DSCAM: variants seen among roughly 807,000 people sequenced by gnomAD.
DSCAM encodes cell adhesion molecule DSCAM.
DSCAM carries 47 observed loss-of-function variants against 217.7 expected under a neutral mutation model. That is an observed-to-expected ratio of 0.22 (90% CI 0.17 to 0.28). DSCAM has a LOEUF of 0.28. DSCAM is among the 10% of genes least tolerant of loss of function. The pLI is 1.00. For missense variants in DSCAM, 2,080 were observed against 2,618.3 expected (o/e 0.79, Z 4.49); for synonymous variants, 1,056 against 1,015.3 (o/e 1.04, Z -0.76).
intron 4 of DSCAM, among the ~76,000 whole-genome samples, chr21:40,361,766 T>C (rs1476437841): frequency 6.6e-6 from 1 of 152,248 alleles, no homozygotes; most frequent in Non-Finnish European, 1.5e-5. Flanking sequence ...TCAAGTATTA[T>C]ACACTCCCAA....
intron 3 of DSCAM, among the ~76,000 whole-genome samples, chr21:40,417,206 CA>C (rs1282387179): frequency 1.3e-5 from 2 of 151,860 alleles, no homozygotes; most frequent in African/African-American, 4.8e-5. Flanking sequence ...TTTTTATTGC[CA>C]ATATATAATA....
intron 1 of DSCAM, among the ~76,000 whole-genome samples, chr21:40,712,903 C>T (rs570767709): frequency 7.9e-5 from 12 of 152,196 alleles, no homozygotes; most frequent in African/African-American, 2.9e-4. Flanking sequence ...AACTGTGGCC[C>T]CCCTTCCACT....
intron 3 of DSCAM, among the ~76,000 whole-genome samples, chr21:40,542,787 G>A (rs1293498134): frequency 1.3e-5 from 2 of 152,168 alleles, no homozygotes; most frequent in African/African-American, 2.4e-5. Context: ...TTGTCAATAA[G>A]GAAATGAAGG....
At chr21:40,652,353 A>C (rs200564656) in intron 3 of DSCAM, among the ~76,000 whole-genome samples, 30,764 of 87,878 alleles carry the variant, frequency 0.35, 3,475 homozygotes, top group East Asian at 0.41. Flanking sequence ...ACAACAAAAA[A>C]AAAAAAAAAC....
intron 20 of DSCAM, among the ~76,000 whole-genome samples, chr21:40,108,168 C>G (rs1241650522): frequency 1.3e-5 from 2 of 152,146 alleles, no homozygotes; most frequent in African/African-American, 4.8e-5. Context: ...CCAGGGCAAT[C>G]AGGCAAGAGA....
At chr21:40,676,854 C>T (rs1370719299) in intron 3 of DSCAM, among the ~76,000 whole-genome samples, 3 of 152,008 alleles carry the variant, frequency 2.0e-5, no homozygotes, top group African/African-American at 4.8e-5. Flanking sequence ...CAAATTACTT[C>T]GCTTGGAAAT....
At chr21:40,165,681 C>T (rs1000371049) in intron 16 of DSCAM, among the ~76,000 whole-genome samples, 6 of 152,314 alleles carry the variant, frequency 3.9e-5, no homozygotes, top group South Asian at 4.1e-4. Context: ...TGTGGACAGA[C>T]ACCTCTCTCA....
chr21:40,371,633 T>C (rs948594338), intron 3 of DSCAM, among the ~76,000 whole-genome samples: 1 of 152,202 alleles, frequency 6.6e-6, no homozygotes, highest in Non-Finnish European at 1.5e-5. Flanking sequence ...GAACATTTTG[T>C]TCTTGTAATA....
intron 5 of DSCAM, among the ~76,000 whole-genome samples, chr21:40,348,630 T>G (rs1716793093): frequency 6.6e-6 from 1 of 152,236 alleles, no homozygotes; most frequent in Non-Finnish European, 1.5e-5. Context: ...ATTATTGCAA[T>G]CATACTCCAC....
chr21:40,475,298 G>T lies in DSCAM; in HGVS notation c.509-106053C>A, dbSNP rs144317881. 1.9e-3 allele frequency among the ~76,000 whole-genome samples: 291 copies of T among 152,288 alleles called. 2 individuals carry two copies. The highest frequency in any genetic ancestry group is 6.7e-3 in the African/African-American group (279 of 41,562). On this transcript the variant is annotated intron_variant, in intron 3 of 32. Transcript: ENST00000400454. Reference sequence around the variant, plus strand: ...CCAGTGCCCTTCAGAAGGACACGAGGATGGCCCATCTTCCAGGGCTGGACT... The same window carrying T: ...CCAGTGCCCTTCAGAAGGACACGAGTATGGCCCATCTTCCAGGGCTGGACT...
intron 32 of DSCAM, among the ~76,000 whole-genome samples, chr21:40,030,086 GTGGATACATAAGCACATGCTCCCATGCA>G (rs1568899058): frequency 6.6e-6 from 1 of 152,216 alleles, no homozygotes; most frequent in Non-Finnish European, 1.5e-5. Flanking sequence ...GCACATGTAC[GTGGATACATAAGCACATGCTCCCATGCA>G]TGGATACACA....
At chr21:40,810,894 G>T (rs2091831981) in intron 1 of DSCAM, among the ~76,000 whole-genome samples, 1 of 149,696 alleles carries the variant, frequency 6.7e-6, no homozygotes, top group African/African-American at 2.5e-5. Flanking sequence ...AACAGAGCAA[G>T]ACCCTGTCTC....
chr21:40,109,535 G>A (rs563994440), intron 20 of DSCAM, among the ~76,000 whole-genome samples: 35 of 152,324 alleles, frequency 2.3e-4, no homozygotes, highest in African/African-American at 6.7e-4. Context: ...CTGAGGTACC[G>A]GGTTCATCTC....
intron 3 of DSCAM, among the ~76,000 whole-genome samples, chr21:40,402,548 ACTAT>A: frequency 6.6e-6 from 1 of 152,178 alleles, no homozygotes. Flanking sequence ...CGGGGAGTAA[ACTAT>A]CTATATATTT....
rs147626957 is a variant in DSCAM, at chr21:40,323,861, T to C, written c.1784-11502A>G. On this transcript the variant is annotated intron_variant, in intron 8 of 32. Transcript: ENST00000400454. ...GCTCACGCCTGTAATCCCAGCACTT[T>C]GGGAGGCTGAGGTGGGCGGATCATC... Among the ~76,000 whole-genome samples the C allele has an allele frequency of 0.019, 2,860 of 152,060 alleles. 164 individuals are homozygous for C. In the East Asian group the frequency reaches 0.23, roughly 12 times the overall value.
At chr21:40,728,609 G>A (rs566659112) in intron 1 of DSCAM, among the ~76,000 whole-genome samples, 5 of 151,942 alleles carry the variant, frequency 3.3e-5, no homozygotes, top group African/African-American at 7.2e-5. Context: ...TAGTAGAGAC[G>A]GGGTTTTATC....
intron 3 of DSCAM, among the ~76,000 whole-genome samples, chr21:40,585,840 C>CT (rs1308711049): frequency 6.6e-6 from 1 of 152,150 alleles, no homozygotes; most frequent in African/African-American, 2.4e-5. Context: ...AGCCTGGCAC[C>CT]TTCCCTGTGC....
chr21:40,404,813 T>C (rs569788300), intron 3 of DSCAM, among the ~76,000 whole-genome samples: 79 of 152,330 alleles, frequency 5.2e-4, no homozygotes, highest in African/African-American at 1.8e-3. Flanking sequence ...CTCCTGGCAC[T>C]GTTTGCTTCA....
intron 3 of DSCAM, among the ~76,000 whole-genome samples, chr21:40,566,569 C>A (rs1202309898): frequency 6.6e-6 from 1 of 152,166 alleles, no homozygotes; most frequent in Non-Finnish European, 1.5e-5. Context: ...CTGGATTTAG[C>A]AAACTTATCT....
Sources: gnomAD v4.1 joint callset for allele counts (sites outside exome capture counted in the v4.1 genomes callset) on GRCh38, gnomAD v4.1.1 for gene constraint, MANE v1.5 for transcripts, NCBI Gene and HGNC (gene_info 2026-07-23, HGNC 2026-07-21) for gene names.